SMAD2: variants seen among roughly 807,000 people sequenced by gnomAD.
SMAD2 encodes the protein SMAD family member 2.
A neutral mutation model predicts 64.4 loss-of-function variants in SMAD2; 8 were observed. The observed-to-expected ratio is 0.12, with a 90% CI of 0.07 to 0.22. SMAD2 has a LOEUF of 0.22. Among genes scored for constraint, SMAD2 ranks in the 10% least tolerant of loss-of-function variants. The probability of loss-of-function intolerance (pLI) is 1.00; values close to 1 mark genes in which losing one functional copy is unlikely to be tolerated. For synonymous variants in SMAD2, 203 were observed against 195.8 expected (o/e 1.04, Z -0.31); for missense variants, 289 against 561.2 (o/e 0.51, Z 4.90).
At chr18:47,869,947 T>C (rs1460186779) in intron 3 of SMAD2, among the ~76,000 whole-genome samples, 5 of 152,168 alleles carry the variant, frequency 3.3e-5, no homozygotes, top group Non-Finnish European at 7.3e-5. Flanking sequence ...ATTTATGTAG[T>C]TCACAAATAA....
Position 47,840,977 on chromosome 18 carries a change from G to A in SMAD2, c.*850C>T, listed in dbSNP as rs1913888793. On this transcript the variant is annotated 3_prime_UTR_variant, in exon 11 of 11. Coordinates refer to ENST00000262160, the MANE Select transcript of SMAD2 (RefSeq NM_005901.6). ...TAAGACAAAGGGACTTTCTCCATAT[G>A]AATTCTTACTGTATCCCAGAATTAA... The A allele has an allele frequency of 4.3e-6, 1 of 232,456 alleles. No individual in the cohort carries two copies. Among genetic ancestry groups the A allele is most frequent in the Non-Finnish European group, 8.5e-6 (1 of 117,576 alleles). The allele number at this position is 232,456 out of a possible 1,614,324, so 14.4% of individuals were successfully genotyped here.
At chr18:47,843,792 T>C (rs962961674) in intron 10 of SMAD2, among the ~76,000 whole-genome samples, 5 of 152,204 alleles carry the variant, frequency 3.3e-5, no homozygotes, top group Admixed American at 2.6e-4. Flanking sequence ...GATTTTACTT[T>C]ATCTGTGAGT....
intron 4 of SMAD2, among the ~76,000 whole-genome samples, chr18:47,868,913 A>G (rs917147956): frequency 1.3e-5 from 2 of 152,184 alleles, no homozygotes; most frequent in African/African-American, 4.8e-5. Flanking sequence ...TACTTCTAAA[A>G]GCACTCCAAG....
chr18:47,845,884 A>C (rs111335519), intron 8 of SMAD2, 84 bp from the exon 9 acceptor site: 4 of 1,211,388 alleles, frequency 3.3e-6, no homozygotes, highest in African/African-American at 3.0e-5. Flanking sequence ...GAAAAATTCT[A>C]AAATGATATA....
At position 47,810,047 on chromosome 18, in the gene SMAD2, AT is replaced by A. The variant is rs966852457; in HGVS notation, c.*31779del. The A allele has an allele frequency of 1.3e-5, 2 of 152,218 alleles. No individual in the cohort carries two copies. The highest frequency in any genetic ancestry group is 4.8e-5 in the African/African-American group (2 of 41,460). The allele number at this position is 152,218 out of a possible 1,614,324, so 9.4% of individuals were successfully genotyped here. A position where few individuals can be genotyped will look rare whatever the true frequency, so the allele number is the denominator to read the frequency against. The stretch of plus-strand genomic sequence containing the variant: ...AGTTGAAACACATACTCTTTCAGAC[AT>A]GAAGTCAGAGGGCTTCTGCCATCCT... On this transcript the variant is annotated 3_prime_UTR_variant, in exon 11 of 11. Transcript: ENST00000262160.
rs1912606624 is a variant in SMAD2, at chr18:47,822,467, G to A, written c.*19360C>T. On this transcript the variant is annotated 3_prime_UTR_variant, in exon 11 of 11. Coordinates refer to ENST00000262160, the MANE Select transcript of SMAD2 (RefSeq NM_005901.6). ...ATTAAGATCAACCACAACAAAAAAAGTTACATGAGACTAAGTAACTGAAGA... is the reference window on the plus strand; with the variant it reads ...ATTAAGATCAACCACAACAAAAAAAATTACATGAGACTAAGTAACTGAAGA... 6.6e-6 allele frequency: 1 copy of A among 152,170 alleles called. No homozygotes were observed. The highest frequency in any genetic ancestry group is 2.1e-4 in the South Asian group (1 of 4,834). 9.4% of individuals were successfully genotyped at this position (152,170 alleles called of 1,614,324 possible). A position where few individuals can be genotyped will look rare whatever the true frequency, so the allele number is the denominator to read the frequency against.
At chr18:47,885,543 T>C (rs2032856676) in intron 2 of SMAD2, among the ~76,000 whole-genome samples, 1 of 152,198 alleles carries the variant, frequency 6.6e-6, no homozygotes, top group Admixed American at 6.5e-5. Context: ...TATAAGTACA[T>C]GTTATTCTAA....
intron 6 of SMAD2, among the ~76,000 whole-genome samples, chr18:47,854,657 A>G (rs1331679613): frequency 6.6e-6 from 1 of 151,998 alleles, no homozygotes; most frequent in Non-Finnish European, 1.5e-5. Context: ...TTTAAAAAAA[A>G]TCTGTTATAT....
chr18:47,811,913 T>C lies in SMAD2; in HGVS notation c.*29914A>G, dbSNP rs1209227771. The C allele has an allele frequency of 6.6e-6, 1 of 152,186 alleles. No homozygotes were observed. Among genetic ancestry groups the C allele is most frequent in the African/African-American group, 2.4e-5 (1 of 41,452 alleles). 9.4% of individuals were successfully genotyped at this position (152,186 alleles called of 1,614,324 possible). On this transcript the variant is annotated 3_prime_UTR_variant, in exon 11 of 11. Coordinates refer to ENST00000262160, the MANE Select transcript of SMAD2 (RefSeq NM_005901.6). Reference sequence around the variant, plus strand: ...AAATGTTGAAGCAGACACAAAGATGTAGCATATATAAAAAGGAAATGTTTG... The same window carrying C: ...AAATGTTGAAGCAGACACAAAGATGCAGCATATATAAAAAGGAAATGTTTG...
intron 10 of SMAD2, among the ~76,000 whole-genome samples, chr18:47,843,531 C>A (rs552229488): frequency 6.6e-6 from 1 of 152,256 alleles, no homozygotes; most frequent in South Asian, 2.1e-4. Flanking sequence ...TTTGTGCTAA[C>A]AACCAAGATG....
rs532890176 is a variant in SMAD2 at position 47,923,901 on chromosome 18, A to T, written c.-54+6460T>A. The stretch of plus-strand genomic sequence containing the variant: ...CCTCCTGATAACTAAAACATTTTTT[A>T]AAAAAAAGTTTAATTGATCAGCTAA... On this transcript the variant is annotated intron_variant, in intron 1 of 10. Coordinates refer to ENST00000262160, the MANE Select transcript of SMAD2 (RefSeq NM_005901.6). Among the ~76,000 whole-genome samples, 196 of 152,132 alleles carry T rather than the reference A, an allele frequency of 1.3e-3. 1 individual carries two copies. Among genetic ancestry groups the T allele is most frequent in the African/African-American group, 4.0e-3 (167 of 41,490 alleles).
At chr18:47,918,119 T>C (rs1193200160) in intron 1 of SMAD2, among the ~76,000 whole-genome samples, 2 of 152,206 alleles carry the variant, frequency 1.3e-5, no homozygotes, top group Non-Finnish European at 2.9e-5. Context: ...AAGAGCTTTG[T>C]AGAAAGGAAT....
chr18:47,843,300 T>TTA (rs1373087065), intron 10 of SMAD2, among the ~76,000 whole-genome samples: 1 of 152,176 alleles, frequency 6.6e-6, no homozygotes, highest in Non-Finnish European at 1.5e-5. Flanking sequence ...TGTTTACTGT[T>TTA]TCCTAGAGTT....
rs544486393 is a variant in SMAD2, at chr18:47,811,286, A to G, written c.*30541T>C. 13 of 152,226 alleles carry G rather than the reference A, an allele frequency of 8.5e-5. No homozygotes were observed. The highest frequency in any genetic ancestry group is 3.1e-4 in the African/African-American group (13 of 41,498). The allele number at this position is 152,226 out of a possible 1,614,324, so 9.4% of individuals were successfully genotyped here. A position where few individuals can be genotyped will look rare whatever the true frequency, so the allele number is the denominator to read the frequency against. ...GGAGATTGAGACCATCCTGGCTAACACGGTGAAACCCTGTCTCCACTAAAA... is the reference window on the plus strand; with the variant it reads ...GGAGATTGAGACCATCCTGGCTAACGCGGTGAAACCCTGTCTCCACTAAAA... On this transcript the variant is annotated 3_prime_UTR_variant, in exon 11 of 11. Coordinates refer to ENST00000262160, the MANE Select transcript of SMAD2 (RefSeq NM_005901.6).
rs142222651 is a variant in SMAD2, at chr18:47,825,758, G to C, written c.*16069C>G. 2 of 152,114 alleles carry C rather than the reference G, an allele frequency of 1.3e-5. No individual in the cohort carries two copies. Among genetic ancestry groups the C allele is most frequent in the Non-Finnish European group, 2.9e-5 (2 of 68,040 alleles). 9.4% of individuals were successfully genotyped at this position (152,114 alleles called of 1,614,324 possible). On this transcript the variant is annotated 3_prime_UTR_variant, in exon 11 of 11. Coordinates refer to ENST00000262160, the MANE Select transcript of SMAD2 (RefSeq NM_005901.6). Reference sequence around the variant, plus strand: ...CTTGGAAGCAGAAACTTGACTCTCCGGGCAAGATAACTGTTGTCTTTTTAA... The same window carrying C: ...CTTGGAAGCAGAAACTTGACTCTCCCGGCAAGATAACTGTTGTCTTTTTAA...
intron 1 of SMAD2, among the ~76,000 whole-genome samples, chr18:47,919,469 T>TACACACACAC (rs66523523): frequency 2.6e-4 from 34 of 129,974 alleles, no homozygotes; most frequent in African/African-American, 9.3e-4. Context: ...AAAAAAAAAA[T>TACACACACAC]ACACACACAC....
chr18:47,892,577 T>A (rs1435681160), intron 2 of SMAD2, among the ~76,000 whole-genome samples: 3 of 152,256 alleles, frequency 2.0e-5, no homozygotes, highest in Admixed American at 1.3e-4. Flanking sequence ...TGCATCTATG[T>A]TTATAAAGAG....
chr18:47,845,583 T>C (rs1914416995), intron 9 of SMAD2, 80 bp downstream of exon 9: 14 of 1,573,046 alleles, frequency 8.9e-6, no homozygotes, highest in African/African-American at 1.3e-5. Context: ...CATGCAATCA[T>C]CTACTGATTC....
At chr18:47,929,737 T>C (rs1323520599) in intron 1 of SMAD2, among the ~76,000 whole-genome samples, 2 of 152,210 alleles carry the variant, frequency 1.3e-5, no homozygotes, top group Non-Finnish European at 2.9e-5. Flanking sequence ...CAAAAGTACC[T>C]GACCCAAAGA....
Sources: allele counts gnomAD v4.1 joint callset (sites outside exome capture counted in the v4.1 genomes callset), GRCh38; gene constraint gnomAD v4.1.1; transcripts MANE v1.5; gene names NCBI Gene and HGNC (gene_info 2026-07-23, HGNC 2026-07-21).